Variants in GRIK5 observed in about 807,000 individuals in gnomAD.
GRIK5 encodes the protein glutamate ionotropic receptor kainate type subunit 5, also known as glutamate receptor ionotropic, kainate 5.
GRIK5 carries 43 observed loss-of-function variants against 97.4 expected under a neutral mutation model. The observed-to-expected ratio is 0.44, with a 90% confidence interval of 0.35 to 0.57. GRIK5 has a LOEUF of 0.57. GRIK5 is among the 20% of genes least tolerant of loss of function. GRIK5 has a pLI of 0.01. For synonymous variants in GRIK5, 580 were observed against 583.5 expected, an observed-to-expected ratio of 0.99 and a Z score of 0.09; for missense variants, 1,015 against 1,382.0, an observed-to-expected ratio of 0.73 and a Z score of 4.21.
Position 42,003,228 on chromosome 19 carries a change from G to T in GRIK5, c.2514+104C>A. ...CTGCATTCCTCTGCCCCCTTCTCGC[G>T]ATCCCCACCACCCTCCAGGTATGGC... On this transcript the variant is annotated intron_variant, in intron 19 of 19. Coordinates refer to ENST00000593562, the MANE Select transcript of GRIK5 (RefSeq NM_002088.5). The surrounding 1 kb of genome is among the most constrained non-coding windows in gnomAD (Gnocchi z 4.2). 1 of 1,061,356 alleles carries T rather than the reference G, an allele frequency of 9.4e-7. No individual in the cohort carries two copies. The allele number at this position is 1,061,356 out of a possible 1,614,324, so 65.7% of individuals were successfully genotyped here. A position where few individuals can be genotyped will look rare whatever the true frequency, so the allele number is the denominator to read the frequency against.
At chr19:42,068,840 TG>T in intron 1 of GRIK5, 2 of 664,828 alleles carry the variant, frequency 3.0e-6, no homozygotes, top group Non-Finnish European at 5.5e-6. Context: ...CTGGACGGGG[TG>T]GGGACAGGGC....
Position 41,998,820 on chromosome 19 carries a change from C to T in GRIK5, c.*51G>A, listed in dbSNP as rs1198972912. 46 of 958,558 alleles carry T rather than the reference C, an allele frequency of 4.8e-5. No homozygotes were observed. Among genetic ancestry groups the T allele is most frequent in the Non-Finnish European group, 5.7e-5 (44 of 775,930 alleles). 59.4% of individuals were successfully genotyped at this position (958,558 alleles called of 1,614,324 possible). On this transcript the variant is annotated 3_prime_UTR_variant, in exon 20 of 20. Coordinates refer to ENST00000593562, the MANE Select transcript of GRIK5 (RefSeq NM_002088.5). Reference sequence around the variant, plus strand: ...GAGCGGAGACTGCTGGGGCCTGGGGCGGGCCCCGTCCCTTCGGTCAGTCCG... The same window carrying T: ...GAGCGGAGACTGCTGGGGCCTGGGGTGGGCCCCGTCCCTTCGGTCAGTCCG...
chr19:42,022,506 C>T lies in GRIK5; in HGVS notation c.1474-152G>A. 1 of 1,454,922 alleles carries T rather than the reference C, an allele frequency of 6.9e-7. No homozygotes were observed. 90.1% of individuals were successfully genotyped at this position (1,454,922 alleles called of 1,614,324 possible). On this transcript the variant is annotated intron_variant, in intron 12 of 19. Coordinates refer to ENST00000593562, the MANE Select transcript of GRIK5 (RefSeq NM_002088.5). This position sits in a 1 kb window ranked among gnomAD's most constrained non-coding sequence, Gnocchi z 4.2. ...AGGGGCCAGGAGCATGGACTGACTC[C>T]AGGAGCCCACCTTGGGCCTGAAATC...
chr19:42,067,595 C>A (rs1233678258), intron 1 of GRIK5, among the ~76,000 whole-genome samples: 5 of 151,934 alleles, frequency 3.3e-5, no homozygotes, highest in African/African-American at 1.2e-4. Flanking sequence ...ACTCCTGGGG[C>A]AAATCAGGGA....
intron 15 of GRIK5, among the ~76,000 whole-genome samples, chr19:42,019,211 T>A (rs1320595647): frequency 6.6e-6 from 1 of 152,032 alleles, no homozygotes; most frequent in Non-Finnish European, 1.5e-5. Context: ...CCACTAGATT[T>A]GTCATGGCAG....
chr19:42,044,372 A>G (rs529350013), intron 11 of GRIK5, among the ~76,000 whole-genome samples: 3 of 152,294 alleles, frequency 2.0e-5, no homozygotes, highest in Admixed American at 6.5e-5. Flanking sequence ...CAAAACAAAC[A>G]CAGTTTCTAG....
chr19:42,046,146 C>T (rs1220073948), intron 11 of GRIK5, among the ~76,000 whole-genome samples: 2 of 152,246 alleles, frequency 1.3e-5, no homozygotes, highest in African/African-American at 4.8e-5. Context: ...GGAAGGGAGA[C>T]GGGGCAGAGC....
chr19:42,067,361 G>C (rs1015591353), intron 1 of GRIK5, among the ~76,000 whole-genome samples: 1 of 152,244 alleles, frequency 6.6e-6, no homozygotes, highest in Non-Finnish European at 1.5e-5. Context: ...TCTTGAGCAA[G>C]TCACTGCCTT....
intron 15 of GRIK5, among the ~76,000 whole-genome samples, chr19:42,012,761 A>G (rs1278159225): frequency 1.3e-5 from 2 of 151,874 alleles, no homozygotes; most frequent in Non-Finnish European, 1.5e-5. Flanking sequence ...CAGCTACTCA[A>G]GAGGCTGAGG....
chr19:42,041,023 ATCTCTGCCTTCACCAGAGCAGCTCT>A (rs1341119247), intron 12 of GRIK5, among the ~76,000 whole-genome samples: 1 of 152,164 alleles, frequency 6.6e-6, no homozygotes, highest in Non-Finnish European at 1.5e-5. Flanking sequence ...AGGCACCCCC[ATCTCTGCCTTCACCAGAGCAGCTCT>A]GCTCTTGCCC....
chr19:42,059,336 G>A lies in GRIK5; in HGVS notation c.687+13C>T, dbSNP rs1431022039. On this transcript the variant is annotated intron_variant, in intron 6 of 19. Transcript: ENST00000593562. ...GCCCCAGTCCTTTGGGAAATCAGAG[G>A]TAGGGGCCTCACCTTACGGAGGATG... is the stretch of plus-strand genomic sequence containing the variant. 9 of 1,600,078 alleles carry A rather than the reference G, an allele frequency of 5.6e-6. No individual in the cohort carries two copies. The highest frequency in any genetic ancestry group is 1.7e-5 in the Admixed American group (1 of 59,752).
At chr19:42,066,716 G>A (rs1487864116) in intron 1 of GRIK5, among the ~76,000 whole-genome samples, 1 of 151,790 alleles carries the variant, frequency 6.6e-6, no homozygotes, top group Non-Finnish European at 1.5e-5. Flanking sequence ...GGATGAGGAG[G>A]CAAGATAAAG....
chr19:42,055,464 T>C (rs2076171074), intron 8 of GRIK5, among the ~76,000 whole-genome samples: 1 of 152,192 alleles, frequency 6.6e-6, no homozygotes, highest in Non-Finnish European at 1.5e-5. Context: ...TCAACATCTA[T>C]TATCAGACAC....
At chr19:42,043,399 ATTTTTTTT>A (rs984583211) in intron 11 of GRIK5, among the ~76,000 whole-genome samples, 19 of 121,306 alleles carry the variant, frequency 1.6e-4, no homozygotes, top group African/African-American at 5.1e-4. Flanking sequence ...AGATGGTGCA[ATTTTTTTT>A]TTTTTTTTTT....
intron 11 of GRIK5, among the ~76,000 whole-genome samples, chr19:42,046,543 G>C (rs912298079): frequency 1.3e-5 from 2 of 152,178 alleles, no homozygotes; most frequent in African/African-American, 4.8e-5. Context: ...AGCATTGCTT[G>C]TAGTGAGAAC....
At chr19:42,068,464 G>A (rs1225130555) in intron 1 of GRIK5, 2 of 345,852 alleles carry the variant, frequency 5.8e-6, no homozygotes, top group African/African-American at 2.1e-5. Context: ...GGACCACGGA[G>A]AGGTGGGGCA....
At chr19:42,053,566 A>G in intron 11 of GRIK5, 36 bp downstream of exon 11, 1 of 1,223,382 alleles carries the variant, frequency 8.2e-7, no homozygotes. Context: ...GGCTCAGGGC[A>G]GCGCCACTCC....
chr19:42,036,906 T>C (rs1285717783), intron 12 of GRIK5, among the ~76,000 whole-genome samples: 1 of 152,150 alleles, frequency 6.6e-6, no homozygotes. Context: ...CTGTCCCCTG[T>C]GATACCCCTC....
chr19:42,043,983 G>A (rs1016531940), intron 11 of GRIK5, among the ~76,000 whole-genome samples: 1 of 152,270 alleles, frequency 6.6e-6, no homozygotes, highest in Non-Finnish European at 1.5e-5. Flanking sequence ...ACCTTGAATT[G>A]TAATCCCCAT....
Sources: gnomAD v4.1 joint callset for allele counts (sites outside exome capture counted in the v4.1 genomes callset) on GRCh38, gnomAD v4.1.1 for gene constraint, Gnocchi (gnomAD v3.1) non-coding constraint, MANE v1.5 for transcripts, NCBI Gene and HGNC (gene_info 2026-07-23, HGNC 2026-07-21) for gene names.